ODR4: variants seen among roughly 807,000 people sequenced by gnomAD.
The protein encoded by ODR4 is protein odr-4 homolog.
A neutral mutation model predicts 60.2 loss-of-function variants in ODR4; 47 were observed. The ratio of observed to expected loss-of-function variants is 0.78; its 90% CI spans 0.62 to 1.00. The LOEUF is 1.00. ODR4 is among the 50% of genes least tolerant of loss of function. The pLI is 0.00. For synonymous variants in ODR4, 178 were observed against 175.5 expected (o/e 1.01, Z -0.11); for missense variants, 488 against 530.8 (o/e 0.92, Z 0.79).
the ODR4 span, among the ~76,000 whole-genome samples, chr1:186,433,161 T>C: frequency 1.8e-4 from 27 of 152,210 alleles, no homozygotes. Flanking sequence ...AATTTATGCA[T>C]GTACTTATTT....
intron 12 of ODR4, 56 bp downstream of exon 12, chr1:186,406,324 A>G (rs1661172993): frequency 4.6e-6 from 6 of 1,299,660 alleles, no homozygotes; most frequent in Admixed American, 2.6e-5. Context: ...GATTTTACCT[A>G]TGAGATGTCT....
At position 186,405,727 on chromosome 1, in the gene ODR4, T is replaced by C. The variant is rs145571417; in HGVS notation, c.1001-356T>C. 4.0e-3 allele frequency among the ~76,000 whole-genome samples: 611 copies of C among 152,210 alleles called. 9 individuals are homozygous for C. Among genetic ancestry groups the C allele is most frequent in the African/African-American group, 0.014 (594 of 41,536 alleles). On this transcript the variant is annotated intron_variant, in intron 11 of 13. Transcript: ENST00000287859. ...CCACCACGCCTGACTAATTTTTGTA[T>C]TTTTAGTAGAAACGGGGTTTCACCA...
At chr1:186,385,966 A>G in intron 3 of ODR4, 22 bp from the exon 4 acceptor site, 1 of 1,442,416 alleles carries the variant, frequency 6.9e-7, no homozygotes, top group Non-Finnish European at 9.7e-7. Flanking sequence ...TTTGTTAGCT[A>G]ATAATATATT....
the ODR4 span, chr1:186,435,023 A>C: frequency 6.6e-6 from 1 of 152,220 alleles, no homozygotes; most frequent in African/African-American, 2.4e-5. Context: ...TTATTTTATG[A>C]AAAACTAATT....
chr1:186,417,315 T>C, intron 12 of ODR4: 1 of 398,682 alleles, frequency 2.5e-6, no homozygotes, highest in East Asian at 5.7e-5. Flanking sequence ...GGCCCTCTGG[T>C]TTAGTTCAAT....
chr1:186,392,319 A>G (rs1288290847), intron 8 of ODR4, among the ~76,000 whole-genome samples: 2 of 152,230 alleles, frequency 1.3e-5, no homozygotes, highest in Non-Finnish European at 2.9e-5. Context: ...GTTTTATTGT[A>G]AAGACACATG....
intron 3 of ODR4, among the ~76,000 whole-genome samples, 170 bp downstream of exon 3, chr1:186,383,326 A>G (rs1314259562): frequency 6.6e-6 from 1 of 152,230 alleles, no homozygotes; most frequent in Non-Finnish European, 1.5e-5. Flanking sequence ...TACACGAGGA[A>G]GAAACAGATT....
chr1:186,419,150 A>G lies in ODR4; in HGVS notation c.*74A>G, dbSNP rs1661694073. On this transcript the variant is annotated 3_prime_UTR_variant, in exon 14 of 14. Coordinates refer to ENST00000287859, the MANE Select transcript of ODR4 (RefSeq NM_017847.6). ...ATTATGAATAATAAAGATGTTAACA[A>G]TCCATCTGTATTTAAAACACTAGCA... 18 of 1,284,772 alleles carry G rather than the reference A, an allele frequency of 1.4e-5. No homozygotes were observed. The Admixed American group carries it at 2.2e-4, about 15-fold the overall frequency. 79.6% of individuals were successfully genotyped at this position (1,284,772 alleles called of 1,614,324 possible). A position where few individuals can be genotyped will look rare whatever the true frequency, so the allele number is the denominator to read the frequency against.
At chr1:186,432,222 C>T in the ODR4 span, among the ~76,000 whole-genome samples, 1 of 152,044 alleles carries the variant, frequency 6.6e-6, no homozygotes, top group Non-Finnish European at 1.5e-5. Context: ...CCTTATATTC[C>T]AGGTAGAAAT....
Position 186,390,696 on chromosome 1 carries a change from C to A in ODR4, c.475-15C>A. The A allele has an allele frequency of 6.2e-7, 1 of 1,612,246 alleles. No homozygotes were observed. Among genetic ancestry groups the A allele is most frequent in the South Asian group, 1.1e-5 (1 of 90,972 alleles). ...GACTACATCATAGTTATTTTTCTCCCTTCTCCACTGCTAGAGTTCAGCAAG... is the reference window on the plus strand; with the variant it reads ...GACTACATCATAGTTATTTTTCTCCATTCTCCACTGCTAGAGTTCAGCAAG... On this transcript the variant is annotated splice_polypyrimidine_tract_variant and intron_variant, in intron 6 of 13. Coordinates refer to ENST00000287859, the MANE Select transcript of ODR4 (RefSeq NM_017847.6).
At chr1:186,413,939 G>C (rs1166557611) in intron 12 of ODR4, among the ~76,000 whole-genome samples, 1 of 152,114 alleles carries the variant, frequency 6.6e-6, no homozygotes, top group Non-Finnish European at 1.5e-5. Flanking sequence ...AGCTGCTCAA[G>C]AATACTCTTA....
intron 13 of ODR4, among the ~76,000 whole-genome samples, chr1:186,418,277 TTTTC>T (rs1321521075): frequency 6.8e-6 from 1 of 147,396 alleles, no homozygotes; most frequent in South Asian, 2.1e-4. Flanking sequence ...ACTATGGTCA[TTTTC>T]TTTCTTTCTT....
chr1:186,377,515 A>T (rs950200474), intron 1 of ODR4, among the ~76,000 whole-genome samples: 2 of 152,248 alleles, frequency 1.3e-5, no homozygotes, highest in African/African-American at 2.4e-5. Context: ...AAGGTTAAAT[A>T]TAACTTTAGA....
chr1:186,377,998 T>C (rs1395095450), intron 1 of ODR4, among the ~76,000 whole-genome samples: 1 of 151,144 alleles, frequency 6.6e-6, no homozygotes, highest in Non-Finnish European at 1.5e-5. Context: ...TGAGCCGAGA[T>C]CGCGCCACTG....
chr1:186,400,191 C>T lies in ODR4; in HGVS notation c.1000+1147C>T, dbSNP rs577154560. On this transcript the variant is annotated intron_variant, in intron 11 of 13. Transcript: ENST00000287859. ...ATTTTTAGTAGAGACGGGGTTTCAC[C>T]GTGTTAGCCAGGATGGTCTCGATCT... Among the ~76,000 whole-genome samples the T allele has an allele frequency of 6.8e-4, 103 of 150,730 alleles. 2 individuals carry two copies. Among genetic ancestry groups the T allele is most frequent in the African/African-American group, 2.3e-3 (94 of 41,022 alleles).
downstream of ODR4, among the ~76,000 whole-genome samples, chr1:186,421,876 A>G (rs1489810789): frequency 6.9e-6 from 1 of 144,690 alleles, no homozygotes; most frequent in East Asian, 2.0e-4. Context: ...AAAAAAAAAA[A>G]AAAATGATGA....
At chr1:186,398,871 A>G (rs1660801494) in intron 10 of ODR4, 83 bp from the exon 11 acceptor site, 1 of 1,015,332 alleles carries the variant, frequency 9.8e-7, no homozygotes, top group Non-Finnish European at 1.4e-6. Context: ...ACTGGAAAGC[A>G]AATTATTTTT....
chr1:186,413,912 TTC>T lies in ODR4; in HGVS notation c.1187-3624_1187-3623del, dbSNP rs569465085. Among the ~76,000 whole-genome samples the T allele has an allele frequency of 1.6e-4, 24 of 152,320 alleles. No homozygotes were observed. In the South Asian group the frequency reaches 4.6e-3, roughly 29 times the overall value. ...TTTGCATGCATTCACAGCCCTTGTT[TTC>T]TCTCTCTTTTTGACAGCTGCTCAAG... On this transcript the variant is annotated intron_variant, in intron 12 of 13. Coordinates refer to ENST00000287859, the MANE Select transcript of ODR4 (RefSeq NM_017847.6).
At chr1:186,415,897 G>A in intron 12 of ODR4, among the ~76,000 whole-genome samples, 1 of 152,132 alleles carries the variant, frequency 6.6e-6, no homozygotes, top group Middle Eastern at 3.2e-3. Context: ...AACCTCCCAG[G>A]TTATGTTTTC....
Sources: allele counts gnomAD v4.1 joint callset (sites outside exome capture counted in the v4.1 genomes callset), GRCh38; gene constraint gnomAD v4.1.1; transcripts MANE v1.5; gene names NCBI Gene and HGNC (gene_info 2026-07-23, HGNC 2026-07-21).